The following ZDHHC24 variants were observed in gnomAD, a reference collection of about 807,000 sequenced individuals.
ZDHHC24 encodes the protein zDHHC palmitoyltransferase 24.
Under a neutral mutation model 23.2 loss-of-function variants are expected in ZDHHC24, and 17 were observed. The ratio of observed to expected loss-of-function variants is 0.73; its 90% CI spans 0.50 to 1.10. The LOEUF (loss-of-function observed/expected upper bound fraction) is 1.10, where lower values mean the gene tolerates loss of function less well. ZDHHC24 is among the 50% of genes least tolerant of loss of function. ZDHHC24 has a pLI of 0.00. For missense variants in ZDHHC24, 366 were observed against 393.0 expected (o/e 0.93, Z 0.58); for synonymous variants, 186 against 194.5 (o/e 0.96, Z 0.36).
intron 2 of ZDHHC24, chr11:66,529,755 C>G: frequency 3.8e-6 from 6 of 1,595,416 alleles, no homozygotes; most frequent in Non-Finnish European, 4.3e-6. Context: ...AGGAGTGCCC[C>G]GTTGCTGCCT....
At chr11:66,529,307 A>G (rs1431628403) in intron 3 of ZDHHC24, 9 of 1,536,220 alleles carry the variant, frequency 5.9e-6, no homozygotes, top group South Asian at 1.2e-5. Context: ...TGACGGAGGC[A>G]GGACCATGAG....
At chr11:66,526,085 A>C in intron 4 of ZDHHC24, 2 of 1,606,858 alleles carry the variant, frequency 1.2e-6, no homozygotes, top group Non-Finnish European at 1.7e-6. Flanking sequence ...TTCCTCTCCA[A>C]GATATTTCCC....
intron 4 of ZDHHC24, chr11:66,524,012 G>A: frequency 3.0e-6 from 4 of 1,342,354 alleles, no homozygotes; most frequent in Non-Finnish European, 3.1e-6. Context: ...AGGCACAGTG[G>A]CTCATGCCTG....
Position 66,538,999 on chromosome 11 carries a change from G to C in ZDHHC24, c.*530C>G, listed in dbSNP as rs1396009626. On this transcript the variant is annotated 3_prime_UTR_variant, in exon 3 of 3. Coordinates refer to ENST00000310442, the MANE Select transcript of ZDHHC24 (RefSeq NM_207340.3). Reference sequence around the variant, plus strand: ...CCAGGTTAGCTAAGAGAGGTTCCATGAAACTGCTGTTGCAGAAATGCTTCT... The same window carrying C: ...CCAGGTTAGCTAAGAGAGGTTCCATCAAACTGCTGTTGCAGAAATGCTTCT... 1 of 154,266 alleles carries C rather than the reference G, an allele frequency of 6.5e-6. No homozygotes were observed. The highest frequency in any genetic ancestry group is 6.5e-5 in the Admixed American group (1 of 15,280). 9.6% of individuals were successfully genotyped at this position (154,266 alleles called of 1,614,324 possible).
chr11:66,544,114 A>G, intron 1 of ZDHHC24, 133 bp from the exon 2 acceptor site: 4 of 1,196,150 alleles, frequency 3.3e-6, no homozygotes, highest in Non-Finnish European at 3.5e-6. Flanking sequence ...ATTTCTTTAC[A>G]AGTAAATGCA....
At chr11:66,544,347 C>T (rs1332458798) in intron 1 of ZDHHC24, among the ~76,000 whole-genome samples, 1 of 152,186 alleles carries the variant, frequency 6.6e-6, no homozygotes, top group Non-Finnish European at 1.5e-5. Flanking sequence ...TGCCCCACCT[C>T]GTACGGTCTC....
In ZDHHC24 at chr11:66,521,321, G is replaced by T. The variant is rs748471738; in HGVS notation, c.*167C>A. On this transcript the variant is annotated 3_prime_UTR_variant, in exon 5 of 5. Coordinates refer to the ZDHHC24 transcript ENST00000526986. ...CCTAGAGGTTTCTGGCCAGTTTGAT[G>T]TTGAGTTCCGGCTTGCCGCGGCCTG... 1 of 1,614,240 alleles carries T rather than the reference G, an allele frequency of 6.2e-7. No individual in the cohort carries two copies. The highest frequency in any genetic ancestry group is 1.7e-5 in the Admixed American group (1 of 60,026).
intron 1 of ZDHHC24, among the ~76,000 whole-genome samples, chr11:66,544,804 C>T (rs535999434): frequency 6.6e-6 from 1 of 152,008 alleles, no homozygotes; most frequent in South Asian, 2.1e-4. Context: ...TAGCACACTA[C>T]AGCCTCAGTC....
intron 4 of ZDHHC24, chr11:66,523,910 T>C: frequency 6.2e-7 from 1 of 1,610,628 alleles, no homozygotes; most frequent in Non-Finnish European, 8.5e-7. Flanking sequence ...CATCTGCCAC[T>C]CACTCCTCCT....
chr11:66,526,313 C>A, intron 4 of ZDHHC24: 3 of 1,000,768 alleles, frequency 3.0e-6, no homozygotes, highest in Non-Finnish European at 4.5e-6. Flanking sequence ...GAAAGTAAGG[C>A]CTACAGAAGT....
At chr11:66,526,927 G>A in intron 4 of ZDHHC24, 1 of 1,600,800 alleles carries the variant, frequency 6.2e-7, no homozygotes, top group East Asian at 2.2e-5. Context: ...AACTAGGTAG[G>A]TCACTCACCT....
chr11:66,523,792 C>G lies in ZDHHC24; in HGVS notation c.*22-2326G>C, dbSNP rs35209408. 8.1e-4 allele frequency: 1,311 copies of G among 1,613,526 alleles called. 10 individuals carry two copies. The African/African-American group carries it at 0.016, about 19-fold the overall frequency. Reference sequence around the variant, plus strand: ...CCATGAACCTCCTGGAGCAGCATTCCCGGGGCCTGCAGGCCGTCATGGCTG... The same window carrying G: ...CCATGAACCTCCTGGAGCAGCATTCGCGGGGCCTGCAGGCCGTCATGGCTG... On this transcript the variant is annotated intron_variant, in intron 4 of 4. Coordinates refer to the ZDHHC24 transcript ENST00000526986.
At chr11:66,529,771 C>T (rs1209713391) in intron 2 of ZDHHC24, 2 of 1,606,046 alleles carry the variant, frequency 1.2e-6, no homozygotes, top group Non-Finnish European at 1.7e-6. Flanking sequence ...TGCCTCCTCC[C>T]TGCCACCCCC....
downstream of ZDHHC24, chr11:66,532,120 C>T (rs1856811960): frequency 7.1e-7 from 1 of 1,402,518 alleles, no homozygotes; most frequent in Non-Finnish European, 9.8e-7. Context: ...ACTCCTCATG[C>T]AGCAGTGTGC....
At chr11:66,532,345 A>G (rs1245209800), downstream of ZDHHC24, 5 of 429,318 alleles carry the variant, frequency 1.2e-5, no homozygotes, top group African/African-American at 2.0e-5. Flanking sequence ...GAAGCGGTCA[A>G]AGTGAGCTGA....
chr11:66,544,695 T>C (rs1275626315), intron 1 of ZDHHC24, among the ~76,000 whole-genome samples: 1 of 152,206 alleles, frequency 6.6e-6, no homozygotes, highest in South Asian at 2.1e-4. Flanking sequence ...CACACATTTA[T>C]GTATATTATT....
At position 66,523,538 on chromosome 11, in the gene ZDHHC24, G is replaced by A. The variant is rs942862410; in HGVS notation, c.*22-2072C>T. 1.2e-6 allele frequency: 2 copies of A among 1,613,996 alleles called. No individual in the cohort carries two copies. The highest frequency in any genetic ancestry group is 1.7e-6 in the Non-Finnish European group (2 of 1,180,010). On this transcript the variant is annotated intron_variant, in intron 4 of 4. Transcript: ENST00000526986. Reference sequence around the variant, plus strand: ...CCGGGTACACAAGGTCCTAGTGGTGGGCAGCACCCAAGACAGCCTGCATGG... The same window carrying A: ...CCGGGTACACAAGGTCCTAGTGGTGAGCAGCACCCAAGACAGCCTGCATGG...
exon 5 of ZDHHC24, chr11:66,521,404 G>C (rs1013081160): frequency 6.4e-7 from 1 of 1,571,398 alleles, no homozygotes; most frequent in Non-Finnish European, 8.8e-7. Context: ...CTCCGGGGCC[G>C]GGAGGAACAT....
In ZDHHC24 at chr11:66,529,159, G is replaced by A; in HGVS notation, c.736+153C>T. 4 of 983,468 alleles carry A rather than the reference G, an allele frequency of 4.1e-6. No individual in the cohort carries two copies. In the South Asian group the frequency reaches 1.9e-4, roughly 46 times the overall value. The allele number at this position is 983,468 out of a possible 1,614,324, so 60.9% of individuals were successfully genotyped here. On this transcript the variant is annotated intron_variant, in intron 3 of 4. Coordinates refer to the ZDHHC24 transcript ENST00000526986. ...AGCGAAGCCAGCCTGGGGGACCGAG[G>A]TGCCCAGTCTGGAAGAGGAGGGACA...
Sources: allele counts gnomAD v4.1 joint callset (sites outside exome capture counted in the v4.1 genomes callset), GRCh38; gene constraint gnomAD v4.1.1; transcripts MANE v1.5; gene names NCBI Gene and HGNC (gene_info 2026-07-23, HGNC 2026-07-21).